EPHA6: variants seen among roughly 807,000 people sequenced by gnomAD.
EPHA6 encodes ephrin type-A receptor 6.
A neutral mutation model predicts 112.0 loss-of-function variants in EPHA6; 50 were observed. That is an observed-to-expected ratio of 0.45 (90% CI 0.36 to 0.56). EPHA6 has a LOEUF of 0.56. EPHA6 is among the 20% of genes least tolerant of loss of function. The probability of loss-of-function intolerance (pLI) is 0.00; values close to 1 mark genes in which losing one functional copy is unlikely to be tolerated. For missense variants in EPHA6, 1,280 were observed against 1,417.4 expected (o/e 0.90, Z 1.56); for synonymous variants, 529 against 490.7 (o/e 1.08, Z -1.03).
At position 97,759,667 on chromosome 3, in the gene EPHA6, G is replaced by A. The variant is rs1340727834; in HGVS notation, c.*10966G>A. 4.4e-6 allele frequency: 1 copy of A among 229,228 alleles called. No individual in the cohort carries two copies. The highest frequency in any genetic ancestry group is 6.2e-5 in the East Asian group (1 of 16,100). The allele number at this position is 229,228 out of a possible 1,614,324, so 14.2% of individuals were successfully genotyped here. A position where few individuals can be genotyped will look rare whatever the true frequency, so the allele number is the denominator to read the frequency against. On this transcript the variant is annotated 3_prime_UTR_variant, in exon 18 of 18. Transcript: ENST00000389672. ...AGAATGTGTAATGTGCAAATAGGTT[G>A]GTATATTTGTGGTAGAAAGGGAAGG...
chr3:97,474,568 C>T (rs1326349298), intron 7 of EPHA6, among the ~76,000 whole-genome samples: 2 of 151,744 alleles, frequency 1.3e-5, no homozygotes, highest in Non-Finnish European at 2.9e-5. Flanking sequence ...TTGCCTATTC[C>T]ACTCATTGAA....
At chr3:97,113,798 A>C (rs74383146) in intron 3 of EPHA6, among the ~76,000 whole-genome samples, 10,217 of 152,182 alleles carry the variant, frequency 0.067, 394 homozygotes, top group Middle Eastern at 0.14. Context: ...TCTTTCAAAA[A>C]TTGCCTAGTA....
intron 5 of EPHA6, among the ~76,000 whole-genome samples, chr3:97,315,704 CAAAACATA>C (rs2108766401): frequency 6.6e-6 from 1 of 151,710 alleles, no homozygotes; most frequent in African/African-American, 2.4e-5. Flanking sequence ...CAGAGCTATT[CAAAACATA>C]AAAAAGCTTC....
chr3:97,545,652 G>A lies in EPHA6; in HGVS notation c.2386+13109G>A, dbSNP rs577523643. Among the ~76,000 whole-genome samples the A allele has an allele frequency of 9.2e-5, 14 of 152,228 alleles. 1 individual carries two copies. The South Asian group carries it at 1.5e-3, about 16-fold the overall frequency. Reference sequence around the variant, plus strand: ...TTTCTGTCTCGTTTATCTGTCTAATGTTGACAGTGGGGTGTTAAAGTCTCT... The same window carrying A: ...TTTCTGTCTCGTTTATCTGTCTAATATTGACAGTGGGGTGTTAAAGTCTCT... On this transcript the variant is annotated intron_variant, in intron 11 of 17. Transcript: ENST00000389672.
At chr3:97,598,422 C>A (rs1251427305) in intron 12 of EPHA6, among the ~76,000 whole-genome samples, 1 of 118,072 alleles carries the variant, frequency 8.5e-6, no homozygotes, top group Non-Finnish European at 1.7e-5. Flanking sequence ...CCCCTCCCCC[C>A]ACCCCACCAC....
chr3:97,092,121 CAT>C (rs2047088704), intron 3 of EPHA6, among the ~76,000 whole-genome samples: 1 of 148,644 alleles, frequency 6.7e-6, no homozygotes, highest in African/African-American at 2.5e-5. Context: ...AAAAAATTAA[CAT>C]ATTATCACCA....
intron 5 of EPHA6, among the ~76,000 whole-genome samples, chr3:97,356,803 T>A (rs2084100689): frequency 6.6e-6 from 1 of 152,212 alleles, no homozygotes; most frequent in Non-Finnish European, 1.5e-5. Context: ...TTAGATCTAG[T>A]AGGTTCATTG....
chr3:97,682,777 A>C (rs1236071382), intron 14 of EPHA6, among the ~76,000 whole-genome samples: 1 of 152,138 alleles, frequency 6.6e-6, no homozygotes, highest in African/African-American at 2.4e-5. Context: ...ACTAGCTAAG[A>C]GCTTATTTTC....
chr3:97,153,329 G>A lies in EPHA6; in HGVS notation c.1115-72935G>A, dbSNP rs934873667. 2.6e-5 allele frequency among the ~76,000 whole-genome samples: 4 copies of A among 151,700 alleles called. No homozygotes were observed. In the East Asian group the frequency reaches 7.7e-4, roughly 29 times the overall value. The stretch of plus-strand genomic sequence containing the variant: ...ATTCTGGTCCATCAAATTATGATTC[G>A]ATAATAGTTTAAACAAAAAAAATCC... On this transcript the variant is annotated intron_variant, in intron 3 of 17. Transcript: ENST00000389672.
intron 11 of EPHA6, among the ~76,000 whole-genome samples, chr3:97,591,433 G>T (rs2093543474): frequency 6.6e-6 from 1 of 152,166 alleles, no homozygotes; most frequent in Non-Finnish European, 1.5e-5. Context: ...CACAGAACTT[G>T]CTAAATCTGA....
At chr3:97,272,063 T>C (rs1222029316) in intron 5 of EPHA6, among the ~76,000 whole-genome samples, 1 of 152,192 alleles carries the variant, frequency 6.6e-6, no homozygotes, top group Non-Finnish European at 1.5e-5. Context: ...ATTGTACTCC[T>C]TTACCTACTT....
At chr3:96,896,167 G>A (rs1479978320) in intron 2 of EPHA6, among the ~76,000 whole-genome samples, 1 of 151,912 alleles carries the variant, frequency 6.6e-6, no homozygotes, top group African/African-American at 2.4e-5. Context: ...TTTTTACTCT[G>A]TCCTCCGCCT....
At chr3:96,853,078 C>T (rs1039706630) in intron 1 of EPHA6, among the ~76,000 whole-genome samples, 2 of 152,086 alleles carry the variant, frequency 1.3e-5, no homozygotes, top group African/African-American at 4.8e-5. Flanking sequence ...AATGTGCAGT[C>T]TTGGCCTATA....
intron 3 of EPHA6, among the ~76,000 whole-genome samples, chr3:97,024,526 G>A (rs2044569011): frequency 1.3e-5 from 2 of 152,146 alleles, no homozygotes; most frequent in South Asian, 4.1e-4. Flanking sequence ...TTTGAATAAA[G>A]CATGAAAGGA....
At chr3:96,970,544 TC>T (rs1439863320) in intron 2 of EPHA6, among the ~76,000 whole-genome samples, 3 of 152,086 alleles carry the variant, frequency 2.0e-5, no homozygotes, top group African/African-American at 7.2e-5. Flanking sequence ...GGAGTAGCTC[TC>T]CCATTAGTGG....
intron 5 of EPHA6, among the ~76,000 whole-genome samples, chr3:97,290,053 T>G (rs933885590): frequency 6.6e-6 from 1 of 152,176 alleles, no homozygotes; most frequent in Non-Finnish European, 1.5e-5. Context: ...GATGTTAGAT[T>G]GTTAATTTGA....
chr3:97,018,831 G>A (rs890146479), intron 3 of EPHA6, among the ~76,000 whole-genome samples: 1 of 152,118 alleles, frequency 6.6e-6, no homozygotes, highest in South Asian at 2.1e-4. Flanking sequence ...CCCTTTCCCG[G>A]TCTGCTAAGT....
Position 97,759,810 on chromosome 3 carries a change from G to A in EPHA6, c.*11109G>A. The A allele has an allele frequency of 9.1e-6, 2 of 220,478 alleles. No homozygotes were observed. The allele number at this position is 220,478 out of a possible 1,614,324, so 13.7% of individuals were successfully genotyped here. On this transcript the variant is annotated 3_prime_UTR_variant, in exon 18 of 18. Coordinates refer to ENST00000389672, the MANE Select transcript of EPHA6 (RefSeq NM_001080448.3). Reference sequence around the variant, plus strand: ...ATGTAAGTAGTTGGATAGTAGGAAAGTGAATATATATTTGATGAAATATTT... The same window carrying A: ...ATGTAAGTAGTTGGATAGTAGGAAAATGAATATATATTTGATGAAATATTT...
intron 3 of EPHA6, among the ~76,000 whole-genome samples, chr3:97,020,841 TC>T (rs564250811): frequency 4.6e-4 from 70 of 152,298 alleles, no homozygotes; most frequent in African/African-American, 1.5e-3. Flanking sequence ...TGCCTAGTGA[TC>T]CGTTATTGGA....
Sources: allele counts gnomAD v4.1 joint callset (sites outside exome capture counted in the v4.1 genomes callset), GRCh38; gene constraint gnomAD v4.1.1; transcripts MANE v1.5; gene names NCBI Gene and HGNC (gene_info 2026-07-23, HGNC 2026-07-21).